The following MGAT4C variants were observed in gnomAD, a reference collection of about 807,000 sequenced individuals.
MGAT4C encodes MGAT4 family member C.
In MGAT4C, 19 loss-of-function variants were observed where a neutral mutation model predicts 40.1. That is an observed-to-expected ratio of 0.47 (90% CI 0.33 to 0.70). The LOEUF (loss-of-function observed/expected upper bound fraction) is 0.70. MGAT4C is among the 30% of genes least tolerant of loss of function. The probability of loss-of-function intolerance (pLI) is 0.02; values close to 1 mark genes in which losing one functional copy is unlikely to be tolerated. For synonymous variants in MGAT4C, 181 were observed against 187.1 expected (o/e 0.97, Z 0.27); for missense variants, 491 against 563.2 (o/e 0.87, Z 1.30).
chr12:85,995,202 G>T (rs1284712706), intron 2 of MGAT4C, among the ~76,000 whole-genome samples: 1 of 152,148 alleles, frequency 6.6e-6, no homozygotes, highest in African/African-American at 2.4e-5. Flanking sequence ...TCAAGAGGCG[G>T]TTTCCAAAAG....
intron 3 of MGAT4C, among the ~76,000 whole-genome samples, chr12:86,357,853 T>C (rs1955352990): frequency 6.6e-6 from 1 of 152,194 alleles, no homozygotes; most frequent in South Asian, 2.1e-4. Flanking sequence ...CTATGTCTGA[T>C]TGGTGTACCT....
At chr12:86,187,051 T>C (rs1888837847) in intron 1 of MGAT4C, among the ~76,000 whole-genome samples, 1 of 152,124 alleles carries the variant, frequency 6.6e-6, no homozygotes, top group African/African-American at 2.4e-5. Flanking sequence ...TAATTCAAAG[T>C]GTATAGGCAT....
chr12:86,342,008 G>A (rs1156426267), intron 3 of MGAT4C, among the ~76,000 whole-genome samples: 2 of 152,172 alleles, frequency 1.3e-5, no homozygotes, highest in Admixed American at 6.5e-5. Context: ...ACCAAAATAT[G>A]GCCAGACTGC....
At chr12:86,220,979 A>T (rs1024750867) in intron 1 of MGAT4C, among the ~76,000 whole-genome samples, 1 of 152,148 alleles carries the variant, frequency 6.6e-6, no homozygotes, top group Non-Finnish European at 1.5e-5. Context: ...AACCTATTTA[A>T]ATTCTCTTGC....
At chr12:86,150,033 A>G (rs768473730) in intron 1 of MGAT4C, among the ~76,000 whole-genome samples, 31 of 152,200 alleles carry the variant, frequency 2.0e-4, no homozygotes, top group Non-Finnish European at 4.1e-4. Flanking sequence ...CAATGTTTTC[A>G]TGAACTGGGT....
chr12:86,342,723 G>A (rs1038057783), intron 3 of MGAT4C, among the ~76,000 whole-genome samples: 1 of 152,122 alleles, frequency 6.6e-6, no homozygotes, highest in Non-Finnish European at 1.5e-5. Flanking sequence ...ACAGGCGTGA[G>A]CCACTGCTCC....
intron 1 of MGAT4C, among the ~76,000 whole-genome samples, chr12:86,145,280 C>T (rs969100795): frequency 6.8e-4 from 103 of 152,060 alleles, no homozygotes; most frequent in African/African-American, 2.3e-3. Context: ...GCTTAGGAGC[C>T]TCCTTTATGC....
chr12:86,381,032 A>T lies in MGAT4C; in HGVS notation c.-119-46905T>A, dbSNP rs149214327. Among the ~76,000 whole-genome samples, 374 of 152,306 alleles carry T rather than the reference A, an allele frequency of 2.5e-3. 1 individual carries two copies. The highest frequency in any genetic ancestry group is 7.4e-3 in the African/African-American group (309 of 41,576). On this transcript the variant is annotated intron_variant, in intron 3 of 7. Transcript: ENST00000548651. The stretch of plus-strand genomic sequence containing the variant: ...CATGTTTTTGCAAGCATAAACACCC[A>T]GACATAGAAACTGACAGTTTAACAG...
At chr12:86,375,238 T>G (rs1297836355) in intron 3 of MGAT4C, among the ~76,000 whole-genome samples, 4 of 152,164 alleles carry the variant, frequency 2.6e-5, no homozygotes, top group Non-Finnish European at 5.9e-5. Context: ...TACAAAAGAA[T>G]AGTTCACTCA....
In MGAT4C at chr12:86,465,551, TA is replaced by T. The variant is rs150678314; in HGVS notation, c.-228-30287del. On this transcript the variant is annotated intron_variant, in intron 2 of 7. Transcript: ENST00000548651. ...ACAATAAAAAGCAAAAAACCTGAGT[TA>T]AAAAAAAAATAGTATTTGGCCTGAA... 2.4e-3 allele frequency among the ~76,000 whole-genome samples: 367 copies of T among 150,090 alleles called. 1 individual carries two copies. The highest frequency in any genetic ancestry group is 8.4e-3 in the African/African-American group (343 of 40,888).
intron 3 of MGAT4C, among the ~76,000 whole-genome samples, chr12:86,366,378 T>C (rs1312194789): frequency 6.6e-6 from 1 of 152,222 alleles, no homozygotes; most frequent in Non-Finnish European, 1.5e-5. Context: ...TTTTATTTCT[T>C]TCTTTTGCCT....
chr12:85,985,482 T>C (rs1885104848), intron 3 of MGAT4C, among the ~76,000 whole-genome samples: 1 of 152,180 alleles, frequency 6.6e-6, no homozygotes, highest in African/African-American at 2.4e-5. Flanking sequence ...CCAAATTTGG[T>C]CTTTAATAGT....
At chr12:86,436,937 A>G (rs1393323840) in intron 2 of MGAT4C, among the ~76,000 whole-genome samples, 1 of 151,780 alleles carries the variant, frequency 6.6e-6, no homozygotes, top group Non-Finnish European at 1.5e-5. Flanking sequence ...TTGCTAAGTG[A>G]CAGGTTTTTT....
At chr12:85,990,928 A>G (rs1310059739) in intron 2 of MGAT4C, among the ~76,000 whole-genome samples, 1 of 152,170 alleles carries the variant, frequency 6.6e-6, no homozygotes, top group Non-Finnish European at 1.5e-5. Flanking sequence ...TTTGGAGGCA[A>G]TATTGTAGTT....
intron 1 of MGAT4C, among the ~76,000 whole-genome samples, chr12:86,806,945 C>T (rs11104100): frequency 0.17 from 25,190 of 151,372 alleles, 2,213 homozygotes; most frequent in Middle Eastern, 0.3. Context: ...ACATGGCACA[C>T]GTATACATAC....
intron 4 of MGAT4C, among the ~76,000 whole-genome samples, chr12:86,306,987 GAA>G (rs1279558159): frequency 6.7e-6 from 1 of 150,310 alleles, no homozygotes; most frequent in Non-Finnish European, 1.5e-5. Flanking sequence ...ATTTTAATAA[GAA>G]AAACTTACAC....
At chr12:86,400,485 C>CT (rs1172001113) in intron 3 of MGAT4C, among the ~76,000 whole-genome samples, 1 of 152,046 alleles carries the variant, frequency 6.6e-6, no homozygotes, top group Non-Finnish European at 1.5e-5. Flanking sequence ...ATTCTTCCTG[C>CT]TTATTGGTTG....
intron 2 of MGAT4C, among the ~76,000 whole-genome samples, chr12:86,527,202 G>A (rs1958899687): frequency 6.6e-6 from 1 of 152,094 alleles, no homozygotes; most frequent in Non-Finnish European, 1.5e-5. Context: ...AGAGATAAGG[G>A]TCTAGTTTCA....
Position 86,223,379 on chromosome 12 carries a change from G to A in MGAT4C, c.-57+32860C>T, listed in dbSNP as rs147413184. 3.0e-3 allele frequency among the ~76,000 whole-genome samples: 455 copies of A among 152,294 alleles called. 2 individuals are homozygous for A. Among genetic ancestry groups the A allele is most frequent in the African/African-American group, 0.01 (434 of 41,572 alleles). On this transcript the variant is annotated intron_variant, in intron 1 of 4. Transcript: ENST00000611864. Reference sequence around the variant, plus strand: ...TGGGGCTAGTGCAGATGCTGCCACTGCTACCCAAGGACAAAAAAGGGTAGG... The same window carrying A: ...TGGGGCTAGTGCAGATGCTGCCACTACTACCCAAGGACAAAAAAGGGTAGG...
Sources: allele counts gnomAD v4.1 joint callset (sites outside exome capture counted in the v4.1 genomes callset), GRCh38; gene constraint gnomAD v4.1.1; transcripts MANE v1.5; gene names NCBI Gene and HGNC (gene_info 2026-07-23, HGNC 2026-07-21).